ABCC9: variants seen among roughly 807,000 people sequenced by gnomAD.
ABCC9 encodes the protein ATP-binding cassette sub-family C member 9.
In ABCC9, 95 loss-of-function variants were observed where a neutral mutation model predicts 188.3. The observed-to-expected ratio is 0.50, with a 90% confidence interval of 0.43 to 0.60. The LOEUF (loss-of-function observed/expected upper bound fraction) is 0.60. Among genes scored for constraint, ABCC9 ranks in the 20% least tolerant of loss-of-function variants. ABCC9 has a pLI of 0.00. For synonymous variants in ABCC9, 659 were observed against 652.7 expected (o/e 1.01, Z -0.15); for missense variants, 1,102 against 1,876.3 (o/e 0.59, Z 7.62).
In ABCC9 at chr12:21,910,220, A is replaced by G. The variant is rs1948252265; in HGVS notation, c.1257T>C (p.Ile419=). The change falls in exon 10 of 40, where the codon ATT becomes ATC. Residue 419 remains isoleucine (I), a synonymous_variant. Transcript: ENST00000261200. ...TLGQINNLVA[I]ETNQLMWFLF... The stretch of plus-strand genomic sequence containing the variant: ...AAAACCACATGAGTTGATTAGTTTC[A>G]ATGGCGACTAAGTTGTTGATCTGCC... The G allele has an allele frequency of 6.2e-7, 1 of 1,611,958 alleles. No homozygotes were observed. The highest frequency in any genetic ancestry group is 8.5e-7 in the Non-Finnish European group (1 of 1,178,450).
chr12:21,825,849 C>T (rs113855878), intron 31 of ABCC9, among the ~76,000 whole-genome samples: 2 of 152,154 alleles, frequency 1.3e-5, no homozygotes, highest in African/African-American at 4.8e-5. Context: ...CCAAATTCAA[C>T]AAAAGGCGTT....
intron 12 of ABCC9, among the ~76,000 whole-genome samples, chr12:21,895,877 C>T (rs1947378782): frequency 6.6e-6 from 1 of 152,088 alleles, no homozygotes; most frequent in Admixed American, 6.6e-5. Context: ...GCATGATATG[C>T]CTAGTTGAAA....
chr12:21,918,785 A>C (rs554404588), intron 5 of ABCC9, among the ~76,000 whole-genome samples: 5 of 152,260 alleles, frequency 3.3e-5, no homozygotes, highest in Admixed American at 3.3e-4. Flanking sequence ...GCCACAGTCT[A>C]GTGGCTAGAA....
In ABCC9 at chr12:21,815,677, G is replaced by C. The variant is rs929828429; in HGVS notation, c.4023+86C>G. The C allele has an allele frequency of 2.0e-6, 3 of 1,529,162 alleles. No homozygotes were observed. In the South Asian group the frequency reaches 3.4e-5, roughly 17 times the overall value. The allele number at this position is 1,529,162 out of a possible 1,614,324, so 94.7% of individuals were successfully genotyped here. A position where few individuals can be genotyped will look rare whatever the true frequency, so the allele number is the denominator to read the frequency against. On this transcript the variant is annotated intron_variant, in intron 34 of 39. Transcript: ENST00000261200. Reference sequence around the variant, plus strand: ...GGTAGGGAATATACTTACTTGGCTGGGAAGTATGAAGAGCTTAGGTAGTAA... The same window carrying C: ...GGTAGGGAATATACTTACTTGGCTGCGAAGTATGAAGAGCTTAGGTAGTAA...
intron 5 of ABCC9, among the ~76,000 whole-genome samples, chr12:21,922,669 T>G (rs957798355): frequency 1.3e-5 from 2 of 151,232 alleles, no homozygotes; most frequent in African/African-American, 4.8e-5. Context: ...AACCCAATAG[T>G]GTGAAGATGC....
At chr12:21,839,371 AAG>A (rs771878228) in intron 29 of ABCC9, among the ~76,000 whole-genome samples, 1 of 152,204 alleles carries the variant, frequency 6.6e-6, no homozygotes, top group Non-Finnish European at 1.5e-5. Flanking sequence ...GGGGCACAGA[AAG>A]AAGACATTTG....
Position 21,852,522 on chromosome 12 carries a change from G to T in ABCC9, c.2506-17C>A, listed in dbSNP as rs752392032. The T allele has an allele frequency of 6.2e-7, 1 of 1,607,398 alleles. No individual in the cohort carries two copies. Reference sequence around the variant, plus strand: ...TGGATCATCCTGCAATCAGTAAAATGGAGGAAAGATGGACGTTTTCTATAC... The same window carrying T: ...TGGATCATCCTGCAATCAGTAAAATTGAGGAAAGATGGACGTTTTCTATAC... On this transcript the variant is annotated splice_polypyrimidine_tract_variant and intron_variant, in intron 22 of 39. Coordinates refer to ENST00000261200, the MANE Select transcript of ABCC9 (RefSeq NM_020297.4).
intron 31 of ABCC9, among the ~76,000 whole-genome samples, chr12:21,821,128 C>T (rs1002737843): frequency 3.9e-5 from 6 of 152,054 alleles, no homozygotes; most frequent in East Asian, 1.9e-4. Context: ...GGACTTCTCC[C>T]GACTTTTCTT....
At chr12:21,905,194 TCTCA>T (rs1947977860) in intron 12 of ABCC9, among the ~76,000 whole-genome samples, 1 of 152,104 alleles carries the variant, frequency 6.6e-6, no homozygotes, top group South Asian at 2.1e-4. Context: ...CACCACATGT[TCTCA>T]CTCATAGGTG....
At chr12:21,919,297 A>G (rs1339094824) in intron 5 of ABCC9, among the ~76,000 whole-genome samples, 2 of 151,998 alleles carry the variant, frequency 1.3e-5, no homozygotes, top group African/African-American at 2.4e-5. Flanking sequence ...TAGACAGTTC[A>G]AGAAAAGAAG....
intron 7 of ABCC9, among the ~76,000 whole-genome samples, chr12:21,914,551 C>A (rs10841913): frequency 1 from 151,843 of 152,284 alleles, 75,705 homozygotes; most frequent in Middle Eastern, 1. Context: ...TTAATTTCTC[C>A]AAAGTGATTA....
At chr12:21,914,055 G>A (rs781432434) in intron 7 of ABCC9, among the ~76,000 whole-genome samples, 2 of 152,238 alleles carry the variant, frequency 1.3e-5, no homozygotes, top group East Asian at 1.9e-4. Flanking sequence ...TGAAACCAGA[G>A]AAATGACTCA....
At chr12:21,896,805 T>C (rs775575077) in intron 12 of ABCC9, among the ~76,000 whole-genome samples, 2 of 152,244 alleles carry the variant, frequency 1.3e-5, no homozygotes, top group Non-Finnish European at 2.9e-5. Context: ...CACATTTTCT[T>C]TATCCAGTCT....
Position 21,925,276 on chromosome 12 carries a change from A to G in ABCC9, c.406+666T>C. On this transcript the variant is annotated intron_variant, in intron 5 of 39. Transcript: ENST00000261200. ...CATATAGATGCGTTATATAATTTTG[A>G]CCCAAGGCAAAAATAAAATTAGGAA... 6.1e-6 allele frequency: 3 copies of G among 494,714 alleles called. No individual in the cohort carries two copies. The South Asian group carries it at 1.0e-4, about 17-fold the overall frequency. The allele number at this position is 494,714 out of a possible 1,614,324, so 30.6% of individuals were successfully genotyped here.
intron 18 of ABCC9, among the ~76,000 whole-genome samples, chr12:21,865,795 A>G (rs565823004): frequency 6.6e-6 from 1 of 152,280 alleles, no homozygotes; most frequent in South Asian, 2.1e-4. Flanking sequence ...AAAAATATGC[A>G]TTGATCACTT....
intron 33 of ABCC9, 143 bp from the exon 34 acceptor site, chr12:21,816,036 GTTTTTTTTTTTTTTTTTTTT>G (rs10611051): frequency 0.015 from 894 of 58,220 alleles, 11 homozygotes; most frequent in African/African-American, 0.049. Context: ...CTATGTGGCA[GTTTTTTTTTTTTTTTTTTTT>G]TTTTTTTTTT....
At chr12:21,904,902 C>T (rs1947955371) in intron 12 of ABCC9, among the ~76,000 whole-genome samples, 2 of 152,100 alleles carry the variant, frequency 1.3e-5, no homozygotes, top group South Asian at 4.1e-4. Context: ...CTAGAAATAC[C>T]ATTTGACCCA....
intron 16 of ABCC9, among the ~76,000 whole-genome samples, chr12:21,880,358 A>G (rs1056693601): frequency 2.6e-5 from 4 of 152,082 alleles, no homozygotes; most frequent in African/African-American, 9.7e-5. Flanking sequence ...TAAGATGAAA[A>G]ACCAAAGCAT....
chr12:21,914,129 A>G (rs924641001), intron 7 of ABCC9, among the ~76,000 whole-genome samples: 2 of 152,222 alleles, frequency 1.3e-5, no homozygotes, highest in Non-Finnish European at 2.9e-5. Context: ...GACACAAAAC[A>G]GAGATTATTT....
Sources: allele counts gnomAD v4.1 joint callset (sites outside exome capture counted in the v4.1 genomes callset), GRCh38; gene constraint gnomAD v4.1.1; transcripts MANE v1.5; gene names NCBI Gene and HGNC (gene_info 2026-07-23, HGNC 2026-07-21).